The following FAM110A variants were observed in gnomAD, a reference collection of about 807,000 sequenced individuals.
The protein encoded by FAM110A is family with sequence similarity 110 member A.
A neutral mutation model predicts 4.0 loss-of-function variants in FAM110A; 1 was observed. The observed-to-expected ratio is 0.25, with a 90% CI of 0.09 to 1.20. FAM110A has a LOEUF of 1.20. Ranked by LOEUF, FAM110A falls within the 50% of genes most tolerant of loss-of-function variation. FAM110A has a pLI of 0.50. For synonymous variants in FAM110A, 217 were observed against 196.8 expected, an observed-to-expected ratio of 1.10 and a Z score of -0.86; for missense variants, 436 against 429.2, an observed-to-expected ratio of 1.02 and a Z score of -0.14.
intron 1 of FAM110A, among the ~76,000 whole-genome samples, chr20:841,490 A>G (rs555047644): frequency 6.6e-6 from 1 of 152,278 alleles, no homozygotes; most frequent in South Asian, 2.1e-4. Flanking sequence ...GCGAGGGGCA[A>G]GGGTCACACA....
In FAM110A at chr20:844,700, C is replaced by A; in HGVS notation, c.-97-8C>A. 1.6e-6 allele frequency: 2 copies of A among 1,275,908 alleles called. No homozygotes were observed. The highest frequency in any genetic ancestry group is 9.9e-7 in the Non-Finnish European group (1 of 1,005,028). 79.0% of individuals were successfully genotyped at this position (1,275,908 alleles called of 1,614,324 possible). A position where few individuals can be genotyped will look rare whatever the true frequency, so the allele number is the denominator to read the frequency against. On this transcript the variant is annotated splice_polypyrimidine_tract_variant and splice_region_variant and intron_variant, in intron 1 of 1. Coordinates refer to ENST00000381941, the MANE Select transcript of FAM110A (RefSeq NM_001042353.3). Reference sequence around the variant, plus strand: ...CTTTTTTTTTTTTTTCTCTCTCCTTCCCTGCAGCAGTGGCCGGTGTCCAGC... The same window carrying A: ...CTTTTTTTTTTTTTTCTCTCTCCTTACCTGCAGCAGTGGCCGGTGTCCAGC...
Position 841,503 on chromosome 20 carries a change from G to C in FAM110A, c.-97-3205G>C, listed in dbSNP as rs921355978. On this transcript the variant is annotated intron_variant, in intron 1 of 1. Transcript: ENST00000381941. ...CGGCGAGGGGCAAGGGTCACACAGCGCCCTGCTAGCCGACCCCCCATCCCC... is the reference window on the plus strand; with the variant it reads ...CGGCGAGGGGCAAGGGTCACACAGCCCCCTGCTAGCCGACCCCCCATCCCC... Among the ~76,000 whole-genome samples, 3 of 152,202 alleles carry C rather than the reference G, an allele frequency of 2.0e-5. No individual in the cohort carries two copies. The South Asian group carries it at 6.2e-4, about 31-fold the overall frequency.
At position 845,477 on chromosome 20, in the gene FAM110A, G is replaced by T. The variant is rs1411693201; in HGVS notation, c.673G>T (p.Ala225Ser). The T allele has an allele frequency of 6.2e-7, 1 of 1,613,104 alleles. No individual in the cohort carries two copies. The change falls in exon 2 of 2, where the codon GCA (alanine) becomes TCA (serine). Residue 225 changes from alanine to serine, a missense_variant. Transcript: ENST00000381941. ...EARGLGVAHL[A>S]RASSDIVSLA... ...GAGAGGGTTGGGTGTGGCCCACCTG[G>T]CACGGGCCAGCTCGGATATCGTGTC...
chr20:843,392 G>A (rs909328456), intron 1 of FAM110A, among the ~76,000 whole-genome samples: 5 of 152,350 alleles, frequency 3.3e-5, no homozygotes, highest in African/African-American at 1.2e-4. Flanking sequence ...GCTGTACTCT[G>A]TGCTGCCAAA....
In FAM110A at chr20:845,472, A is replaced by G. The variant is rs145559998; in HGVS notation, c.668A>G (p.His223Arg). The G allele has an allele frequency of 9.8e-4, 1,588 of 1,613,120 alleles. 2 individuals carry two copies. The highest frequency in any genetic ancestry group is 1.2e-3 in the Non-Finnish European group (1,441 of 1,179,618). Residue 223 changes from histidine (H) to arginine (R), a missense_variant, in exon 2 of 2, where the codon CAC (histidine) becomes CGC (arginine). Coordinates refer to ENST00000381941, the MANE Select transcript of FAM110A (RefSeq NM_001042353.3). ...PEEARGLGVA[H>R]LARASSDIVS... The stretch of plus-strand genomic sequence containing the variant: ...GAGGCGAGAGGGTTGGGTGTGGCCC[A>G]CCTGGCACGGGCCAGCTCGGATATC...
chr20:838,213 C>T (rs186500915), intron 1 of FAM110A, among the ~76,000 whole-genome samples: 47 of 152,310 alleles, frequency 3.1e-4, no homozygotes, highest in Non-Finnish European at 7.3e-5. Context: ...CTTCTGATAC[C>T]ATGTACTAAG....
chr20:835,164 ATCTCTCTCTCTC>A (rs143746608), intron 1 of FAM110A, among the ~76,000 whole-genome samples: 7,266 of 136,298 alleles, frequency 0.053, 244 homozygotes, highest in South Asian at 0.088. Flanking sequence ...CAGTCCTCCC[ATCTCTCTCTCTC>A]TCTCTCTCTC....
At chr20:835,213 T>TAC (rs376949719) in intron 1 of FAM110A, among the ~76,000 whole-genome samples, 9,787 of 148,356 alleles carry the variant, frequency 0.066, 393 homozygotes, top group South Asian at 0.081. Flanking sequence ...TATATATATA[T>TAC]ACACACACAC....
At chr20:837,101 G>A (rs575748820) in intron 1 of FAM110A, among the ~76,000 whole-genome samples, 5 of 140,080 alleles carry the variant, frequency 3.6e-5, no homozygotes, top group African/African-American at 1.4e-4. Flanking sequence ...CGCCCAGGCT[G>A]GAGTGCAGTG....
At position 845,012 on chromosome 20, in the gene FAM110A, C is replaced by T; in HGVS notation, c.208C>T (p.Leu70=). The stretch of plus-strand genomic sequence containing the variant: ...CACCCGCCAGGAGCCTGTGCAGCCC[C>T]TGCTGTCCAAACAGCCGCTCTTTAG... The part of the protein sequence containing the change: ...ANTRQEPVQP[L]LSKQPLFSPE... Residue 70 remains leucine (L), a synonymous_variant, in exon 2 of 2, where the codon CTG becomes TTG. Coordinates refer to ENST00000381941, the MANE Select transcript of FAM110A (RefSeq NM_001042353.3). The T allele has an allele frequency of 6.3e-7, 1 of 1,596,010 alleles. No homozygotes were observed. Among genetic ancestry groups the T allele is most frequent in the South Asian group, 1.1e-5 (1 of 88,552 alleles).
At position 844,983 on chromosome 20, in the gene FAM110A, C is replaced by A; in HGVS notation, c.179C>A (p.Ala60Asp). ...KAKYVKSLHV[A>D]NTRQEPVQPL... ...AAGTACGTCAAGAGCCTGCACGTGGCCAACACCCGCCAGGAGCCTGTGCAG... is the reference window on the plus strand; with the variant it reads ...AAGTACGTCAAGAGCCTGCACGTGGACAACACCCGCCAGGAGCCTGTGCAG... The change falls in exon 2 of 2, where the codon GCC becomes GAC. Residue 60 changes from alanine to aspartate, a missense_variant. Transcript: ENST00000381941. The A allele has an allele frequency of 6.3e-7, 1 of 1,594,340 alleles. No individual in the cohort carries two copies. The highest frequency in any genetic ancestry group is 8.5e-7 in the Non-Finnish European group (1 of 1,171,350).
At chr20:835,062 A>G (rs1463489670) in intron 1 of FAM110A, among the ~76,000 whole-genome samples, 1 of 152,050 alleles carries the variant, frequency 6.6e-6, no homozygotes, top group Non-Finnish European at 1.5e-5. Flanking sequence ...AGGGATGCCC[A>G]AAACCTCAGT....
At chr20:838,141 G>A (rs1464108832) in intron 1 of FAM110A, among the ~76,000 whole-genome samples, 1 of 152,054 alleles carries the variant, frequency 6.6e-6, no homozygotes, top group Non-Finnish European at 1.5e-5. Context: ...AGTGAGCTAT[G>A]GAGTGCACTC....
Position 840,021 on chromosome 20 carries a change from C to T in FAM110A, c.-97-4687C>T. 1 of 955,130 alleles carries T rather than the reference C, an allele frequency of 1.0e-6. No individual in the cohort carries two copies. Among genetic ancestry groups the T allele is most frequent in the Non-Finnish European group, 1.6e-6 (1 of 608,046 alleles). The allele number at this position is 955,130 out of a possible 1,614,324, so 59.2% of individuals were successfully genotyped here. A position where few individuals can be genotyped will look rare whatever the true frequency, so the allele number is the denominator to read the frequency against. On this transcript the variant is annotated intron_variant, in intron 1 of 1. Coordinates refer to ENST00000381941, the MANE Select transcript of FAM110A (RefSeq NM_001042353.3). This position sits in a 1 kb window ranked among gnomAD's most constrained non-coding sequence, Gnocchi z 4.4. ...CGGGGCTGGGGCTGGAAAGGAAGGA[C>T]TGTTCTTTTCTTTGCTATTACGAAA...
chr20:834,964 T>C lies in FAM110A; in HGVS notation c.-98+1013T>C, dbSNP rs146369276. 8.4e-4 allele frequency among the ~76,000 whole-genome samples: 128 copies of C among 152,290 alleles called. No individual in the cohort carries two copies. Among genetic ancestry groups the C allele is most frequent in the Non-Finnish European group, 1.7e-3 (119 of 68,020 alleles). ...AGCCCTGCTCTGGTTCTTGCATGTTTTGGTTTTTTTACTTATTAGCAAATG... is the reference window on the plus strand; with the variant it reads ...AGCCCTGCTCTGGTTCTTGCATGTTCTGGTTTTTTTACTTATTAGCAAATG... On this transcript the variant is annotated intron_variant, in intron 1 of 1. Coordinates refer to ENST00000381941, the MANE Select transcript of FAM110A (RefSeq NM_001042353.3). This position sits in a 1 kb window ranked among gnomAD's most constrained non-coding sequence, Gnocchi z 5.6.
intron 1 of FAM110A, 42 bp from the exon 2 acceptor site, chr20:844,666 C>A: frequency 7.8e-7 from 1 of 1,289,672 alleles, no homozygotes; most frequent in East Asian, 3.0e-5. Flanking sequence ...TTTGTCTGAG[C>A]GCGCTCGGCT....
rs1375766430 is a variant in FAM110A, at chr20:840,539, A to C, written c.-97-4169A>C. Among the ~76,000 whole-genome samples the C allele has an allele frequency of 6.6e-6, 1 of 152,228 alleles. No homozygotes were observed. The highest frequency in any genetic ancestry group is 2.4e-5 in the African/African-American group (1 of 41,462). On this transcript the variant is annotated intron_variant, in intron 1 of 1. Transcript: ENST00000381941. The surrounding 1 kb of genome is among the most constrained non-coding windows in gnomAD (Gnocchi z 4.4). The stretch of plus-strand genomic sequence containing the variant: ...TTAAATGAGGGGGCTCTGGGGATTT[A>C]AATGAGTATGGTGCCTGGCACCCCA...
rs1183292885 is a variant in FAM110A, at chr20:845,508, C to T, written c.704C>T (p.Ala235Val). The T allele has an allele frequency of 1.2e-6, 2 of 1,612,050 alleles. No individual in the cohort carries two copies. The highest frequency in any genetic ancestry group is 1.7e-6 in the Non-Finnish European group (2 of 1,179,106). ...GCCAGCTCGGATATCGTGTCCCTGG[C>T]AGGGCCCAGTGCTGGGCCGGGCAGC... is the stretch of plus-strand genomic sequence containing the variant. ...ARASSDIVSLAGPSAGPGSSE... is the reference protein window; with the variant it reads ...ARASSDIVSLVGPSAGPGSSE... The change falls in exon 2 of 2, where the codon GCA becomes GTA. Residue 235 changes from alanine to valine, a missense_variant. Transcript: ENST00000381941.
At position 845,480 on chromosome 20, in the gene FAM110A, C is replaced by G. The variant is rs779047329; in HGVS notation, c.676C>G (p.Arg226Gly). Residue 226 changes from arginine (R) to glycine (G), a missense_variant, in exon 2 of 2, where the codon CGG becomes GGG. Arg to Gly is a moderately radical substitution (Grantham distance 125). Coordinates refer to ENST00000381941, the MANE Select transcript of FAM110A (RefSeq NM_001042353.3). ...AGGGTTGGGTGTGGCCCACCTGGCA[C>G]GGGCCAGCTCGGATATCGTGTCCCT... is the stretch of plus-strand genomic sequence containing the variant. ...ARGLGVAHLA[R>G]ASSDIVSLAG... The G allele has an allele frequency of 4.3e-6, 7 of 1,612,580 alleles. No homozygotes were observed. Among genetic ancestry groups the G allele is most frequent in the Non-Finnish European group, 5.9e-6 (7 of 1,179,370 alleles).
Sources: allele counts gnomAD v4.1 joint callset (sites outside exome capture counted in the v4.1 genomes callset), GRCh38; gene constraint gnomAD v4.1.1; non-coding constraint Gnocchi (gnomAD v3.1); transcripts MANE v1.5; gene names NCBI Gene and HGNC (gene_info 2026-07-23, HGNC 2026-07-21).